The following VPS11 variants were observed in gnomAD, a reference collection of about 807,000 sequenced individuals.
VPS11 encodes vacuolar protein sorting-associated protein 11 homolog.
VPS11 carries 51 observed loss-of-function variants against 106.8 expected under a neutral mutation model. That is an observed-to-expected ratio of 0.48 (90% CI 0.38 to 0.60). The LOEUF (loss-of-function observed/expected upper bound fraction) is 0.60, where lower values mean the gene tolerates loss of function less well. Ranked by LOEUF, VPS11 falls within the 20% of genes least tolerant of loss-of-function variation. The pLI, the probability that VPS11 is intolerant of heterozygous loss-of-function variation, is 0.00. For missense variants in VPS11, 950 were observed against 1,190.0 expected (o/e 0.80, Z 2.97); for synonymous variants, 453 against 458.7 (o/e 0.99, Z 0.16).
chr11:119,076,916 C>T lies in VPS11; in HGVS notation c.1258C>T (p.Pro420Ser). 2 of 1,613,982 alleles carry T rather than the reference C, an allele frequency of 1.2e-6. No individual in the cohort carries two copies. Among genetic ancestry groups the T allele is most frequent in the Non-Finnish European group, 8.5e-7 (1 of 1,179,882 alleles). Residue 420 changes from proline (P) to serine (S), a missense_variant, in exon 8 of 16, where the codon CCA becomes TCA. By Grantham distance (74) the Pro-to-Ser change is moderately conservative. Transcript: ENST00000621676. ...QYIRTIGKLE[P>S]SYVIRKFLDA... Reference sequence around the variant, plus strand: ...CCCTAGAACCATTGGAAAGTTGGAGCCATCCTACGTGATCCGCAAGTTTCT... The same window carrying T: ...CCCTAGAACCATTGGAAAGTTGGAGTCATCCTACGTGATCCGCAAGTTTCT...
chr11:119,080,036 C>G (rs1020443131), intron 14 of VPS11, among the ~76,000 whole-genome samples: 1 of 152,150 alleles, frequency 6.6e-6, no homozygotes, highest in African/African-American at 2.4e-5. Context: ...AAGAGACAGA[C>G]AGCAAACATG....
intron 5 of VPS11, chr11:119,072,315 A>G (rs1945428811): frequency 6.0e-6 from 1 of 166,248 alleles, no homozygotes; most frequent in African/African-American, 2.4e-5. Context: ...TAACTGAAAA[A>G]TGGATGTTTT....
chr11:119,075,794 C>T (rs1198909902), intron 7 of VPS11, among the ~76,000 whole-genome samples: 3 of 151,868 alleles, frequency 2.0e-5, no homozygotes, highest in African/African-American at 7.2e-5. Flanking sequence ...CCCAGCCACT[C>T]GCAAAGCTGA....
chr11:119,070,648 C>T (rs1160747627), intron 4 of VPS11: 2 of 272,430 alleles, frequency 7.3e-6, no homozygotes, highest in East Asian at 7.1e-5. Flanking sequence ...CTGTGTTGCT[C>T]AGGCTGGAGT....
chr11:119,073,131 G>T, intron 5 of VPS11, 67 bp from the exon 6 acceptor site: 2 of 1,536,920 alleles, frequency 1.3e-6, no homozygotes, highest in Non-Finnish European at 1.8e-6. Flanking sequence ...AAGTTATCAT[G>T]GGAAAGGAAA....
rs782007010 is a variant in VPS11, at chr11:119,069,226, G to A, written c.218G>A (p.Arg73His). ...GAAGGCCAGATCTGGTTCTTGCCAC[G>A]TTCCCTACAGCTTACAGGCTTCCAA... ...DMEGQIWFLP[R>H]SLQLTGFQAY... Residue 73 changes from arginine to histidine, a missense_variant, in exon 2 of 16, where the codon CGT becomes CAT. Around this residue, in one of 3 missense-constraint regions of VPS11, gnomAD observed 435 missense variants for 630.2 expected, o/e 0.69. Transcript: ENST00000621676. The A allele has an allele frequency of 5.0e-6, 8 of 1,613,776 alleles. No individual in the cohort carries two copies. In the East Asian group the frequency reaches 8.9e-5, roughly 18 times the overall value.
rs995257266 is a variant in VPS11, at chr11:119,077,040, A to G, written c.1382A>G (p.Tyr461Cys). The G allele has an allele frequency of 6.2e-7, 1 of 1,613,664 alleles. No homozygotes were observed. The highest frequency in any genetic ancestry group is 8.5e-7 in the Non-Finnish European group (1 of 1,179,800). Residue 461 changes from tyrosine to cysteine, a missense_variant, in exon 8 of 16, where the codon TAT (tyrosine) becomes TGT (cysteine). Physicochemically the swap from Tyr to Cys is radical, Grantham distance 194 (BLOSUM62 -2). Transcript: ENST00000621676. ...ADHTTLLLNC[Y>C]TKLKDSSKLE... ...CATACCACCCTGCTCCTCAACTGCTATACCAAGCTCAAGGACAGCTCGAAG... is the reference window on the plus strand; with the variant it reads ...CATACCACCCTGCTCCTCAACTGCTGTACCAAGCTCAAGGACAGCTCGAAG...
At chr11:119,074,016 C>G (rs1488976864) in intron 7 of VPS11, 65 bp downstream of exon 7, 1 of 1,527,372 alleles carries the variant, frequency 6.5e-7, no homozygotes, top group Non-Finnish European at 8.9e-7. Flanking sequence ...ATAGCTAAAG[C>G]CCATCCATGC....
chr11:119,074,424 G>A (rs1565740564), intron 7 of VPS11, among the ~76,000 whole-genome samples: 1 of 151,734 alleles, frequency 6.6e-6, no homozygotes, highest in Non-Finnish European at 1.5e-5. Flanking sequence ...GTTTGTTTTT[G>A]AGACAGATTC....
At chr11:119,071,892 A>G (rs1358867234) in intron 5 of VPS11, 49 bp downstream of exon 5, 7 of 1,580,730 alleles carry the variant, frequency 4.4e-6, no homozygotes, top group Non-Finnish European at 6.0e-6. Flanking sequence ...CTTGTTCCCC[A>G]GAATCCGCCT....
At chr11:119,078,121 T>C (rs1437415804) in intron 10 of VPS11, 52 bp from the exon 11 acceptor site, 2 of 1,609,678 alleles carry the variant, frequency 1.2e-6, no homozygotes, top group Admixed American at 3.3e-5. Flanking sequence ...AAGGGCTTCC[T>C]GTATATCACG....
chr11:119,077,439 GT>G (rs1945668002), intron 8 of VPS11, 61 bp from the exon 9 acceptor site: 2 of 1,568,116 alleles, frequency 1.3e-6, no homozygotes, highest in Non-Finnish European at 1.7e-6. Flanking sequence ...TCAGGTGCCT[GT>G]TTCCTCTCCC....
chr11:119,081,882 A>G lies in VPS11; in HGVS notation c.*259A>G, dbSNP rs1002098052. On this transcript the variant is annotated 3_prime_UTR_variant, in exon 16 of 16. Transcript: ENST00000621676. Reference sequence around the variant, plus strand: ...CCTCAGCAACCTCTGAGTGTGGACAATAGCTGCTTTCTTCTCTATCCAAGA... The same window carrying G: ...CCTCAGCAACCTCTGAGTGTGGACAGTAGCTGCTTTCTTCTCTATCCAAGA... 3.7e-5 allele frequency: 18 copies of G among 492,384 alleles called. No homozygotes were observed. Among genetic ancestry groups the G allele is most frequent in the African/African-American group, 7.7e-5 (4 of 52,056 alleles). 30.5% of individuals were successfully genotyped at this position (492,384 alleles called of 1,614,324 possible).
chr11:119,070,963 G>A (rs1314690724), intron 4 of VPS11, among the ~76,000 whole-genome samples: 1 of 131,330 alleles, frequency 7.6e-6, no homozygotes, highest in African/African-American at 3.0e-5. Flanking sequence ...GGATCTTGCT[G>A]TGTAACCCAG....
At chr11:119,073,155 A>G (rs2134762369) in intron 5 of VPS11, 43 bp from the exon 6 acceptor site, 1 of 1,571,580 alleles carries the variant, frequency 6.4e-7, no homozygotes, top group South Asian at 1.2e-5. Context: ...GGGAGATAAG[A>G]CAGAGATGTC....
At chr11:119,070,019 T>TAAATAAATAAATAAATAAATAAATAAATA (rs1565737259) in intron 3 of VPS11, among the ~76,000 whole-genome samples, 1 of 151,098 alleles carries the variant, frequency 6.6e-6, no homozygotes, top group African/African-American at 2.4e-5. Flanking sequence ...AATAAATAAA[T>TAAATAAATAAATAAATAAATAAATAAATA]AAATAAATAA....
intron 3 of VPS11, 53 bp downstream of exon 3, chr11:119,069,630 A>G (rs1945291813): frequency 6.2e-7 from 1 of 1,611,690 alleles, no homozygotes; most frequent in Non-Finnish European, 8.5e-7. Context: ...TTTTCTTCAG[A>G]GTTGCTTCTG....
chr11:119,069,655 T>C, intron 3 of VPS11, 78 bp downstream of exon 3: 3 of 1,596,850 alleles, frequency 1.9e-6, no homozygotes, highest in Non-Finnish European at 2.6e-6. Flanking sequence ...TCATCTTTAC[T>C]GTTTTCAGGA....
rs529227898 is a variant in VPS11 at position 119,076,010 on chromosome 11, G to A, written c.1239-887G>A. Among the ~76,000 whole-genome samples, 336 of 148,866 alleles carry A rather than the reference G, an allele frequency of 2.3e-3. 1 individual carries two copies. Among genetic ancestry groups the A allele is most frequent in the African/African-American group, 7.6e-3 (305 of 40,158 alleles). ...TGGGAGGCTGAGGTGGGCGGATCAC[G>A]AGGTCAAGAGATTGAGACCATCCTG... On this transcript the variant is annotated intron_variant, in intron 7 of 15. Transcript: ENST00000621676.
Sources: allele counts gnomAD v4.1 joint callset (sites outside exome capture counted in the v4.1 genomes callset), GRCh38; gene constraint gnomAD v4.1.1; regional missense constraint gnomAD v4.1.1; transcripts MANE v1.5; gene names NCBI Gene and HGNC (gene_info 2026-07-23, HGNC 2026-07-21).